Variants in ATP6V0A4 observed in about 807,000 individuals in gnomAD.
ATP6V0A4 encodes the protein V-type proton ATPase 116 kDa subunit a 4.
ATP6V0A4 carries 86 observed loss-of-function variants against 107.3 expected under a neutral mutation model. The ratio of observed to expected loss-of-function variants is 0.80; its 90% CI spans 0.67 to 0.96. ATP6V0A4 has a LOEUF of 0.96. ATP6V0A4 is among the 40% of genes least tolerant of loss of function. ATP6V0A4 has a pLI of 0.00. For missense variants in ATP6V0A4, 908 were observed against 1,045.6 expected (o/e 0.87, Z 1.81); for synonymous variants, 353 against 381.4 (o/e 0.93, Z 0.87).
Position 138,769,400 on chromosome 7 carries a change from C to T in ATP6V0A4, c.118-149G>A, listed in dbSNP as rs377119879. 1.4e-5 allele frequency: 18 copies of T among 1,287,314 alleles called. No homozygotes were observed. The East Asian group carries it at 4.3e-4, about 31-fold the overall frequency. The allele number at this position is 1,287,314 out of a possible 1,614,324, so 79.7% of individuals were successfully genotyped here. A position where few individuals can be genotyped will look rare whatever the true frequency, so the allele number is the denominator to read the frequency against. ...CGCGATCTCAGCTCACTGTAACCTC[C>T]ACCTCCTGGGTTCAAGTGATTCTTC... On this transcript the variant is annotated intron_variant, in intron 3 of 21. Transcript: ENST00000310018.
At chr7:138,762,684 A>G (rs1806885291) in intron 6 of ATP6V0A4, among the ~76,000 whole-genome samples, 1 of 152,164 alleles carries the variant, frequency 6.6e-6, no homozygotes, top group Non-Finnish European at 1.5e-5. Flanking sequence ...AGCCATTTTC[A>G]GCACATACAT....
intron 5 of ATP6V0A4, among the ~76,000 whole-genome samples, chr7:138,765,490 G>A (rs772105543): frequency 6.6e-6 from 1 of 152,188 alleles, no homozygotes; most frequent in Non-Finnish European, 1.5e-5. Flanking sequence ...GTTTCTGAGG[G>A]GATGGTGGTT....
rs1057434778 is a variant in ATP6V0A4 at position 138,739,279 on chromosome 7, T to C, written c.1572+261A>G. ...AACCAAGTGCCTTTTAAAGAAGCAGTTATTAACCACCAGGGATATGATTGA... is the reference window on the plus strand; with the variant it reads ...AACCAAGTGCCTTTTAAAGAAGCAGCTATTAACCACCAGGGATATGATTGA... On this transcript the variant is annotated intron_variant, in intron 15 of 21. Transcript: ENST00000310018. Among the ~76,000 whole-genome samples the C allele has an allele frequency of 9.9e-5, 15 of 151,898 alleles. No homozygotes were observed. The South Asian group carries it at 3.1e-3, about 31-fold the overall frequency.
rs773840097 is a variant in ATP6V0A4 at position 138,739,540 on chromosome 7, C to T, written c.1572G>A (p.Pro524=). 1.4e-5 allele frequency: 22 copies of T among 1,613,970 alleles called. No homozygotes were observed. The highest frequency in any genetic ancestry group is 2.7e-5 in the African/African-American group (2 of 74,926). ...ATTTAACCCAAGAAGACATTATTAC[C>T]GGATCAATCCCAAACGGGTATGGAT... ...FGNPYPFGID[P]IWNLASNKLT... Residue 524 remains proline, a splice_region_variant and synonymous_variant, in exon 15 of 22, where the codon CCG becomes CCA. Coordinates refer to ENST00000310018, the MANE Select transcript of ATP6V0A4 (RefSeq NM_020632.3).
At chr7:138,707,286 A>C in intron 21 of ATP6V0A4, among the ~76,000 whole-genome samples, 1 of 87,676 alleles carries the variant, frequency 1.1e-5, no homozygotes, top group Middle Eastern at 4.5e-3. Flanking sequence ...CTATATAATA[A>C]TTATATTATA....
At chr7:138,715,157 T>G (rs553132118) in intron 20 of ATP6V0A4, among the ~76,000 whole-genome samples, 1 of 152,356 alleles carries the variant, frequency 6.6e-6, no homozygotes, top group East Asian at 1.9e-4. Context: ...TTTAGGACTC[T>G]GGCTTCAAAA....
At chr7:138,765,563 C>T (rs570041167) in intron 5 of ATP6V0A4, among the ~76,000 whole-genome samples, 200 of 152,226 alleles carry the variant, frequency 1.3e-3, no homozygotes, top group Middle Eastern at 6.8e-3. Context: ...TTTAGAAACT[C>T]GACAAGGCAG....
chr7:138,749,161 C>T lies in ATP6V0A4; in HGVS notation c.1180+6G>A. 6.2e-7 allele frequency: 1 copy of T among 1,614,006 alleles called. No homozygotes were observed. Among genetic ancestry groups the T allele is most frequent in the Non-Finnish European group, 8.5e-7 (1 of 1,180,002 alleles). On this transcript the variant is annotated splice_donor_region_variant and intron_variant, in intron 12 of 21. Coordinates refer to ENST00000310018, the MANE Select transcript of ATP6V0A4 (RefSeq NM_020632.3). ...TACCCAGTCGTGCAGTTCATCAGAT[C>T]TTTACCTGGGTTTATCTCCCGGTAG...
chr7:138,792,224 C>T (rs1032706064), intron 1 of ATP6V0A4, among the ~76,000 whole-genome samples: 6 of 152,150 alleles, frequency 3.9e-5, no homozygotes, highest in Non-Finnish European at 8.8e-5. Context: ...AGGAGAATGG[C>T]GTGAACCCAG....
chr7:138,708,236 G>A (rs1183953098), intron 21 of ATP6V0A4, among the ~76,000 whole-genome samples: 1 of 151,888 alleles, frequency 6.6e-6, no homozygotes, highest in African/African-American at 2.4e-5. Flanking sequence ...TTTCAGTAGA[G>A]ACGGGGTTTC....
chr7:138,710,646 G>A (rs114074592), intron 20 of ATP6V0A4, among the ~76,000 whole-genome samples: 1,614 of 152,216 alleles, frequency 0.011, 27 homozygotes, highest in African/African-American at 0.034. Flanking sequence ...TTCAAAAAAC[G>A]TTTAGCTAAT....
intron 14 of ATP6V0A4, among the ~76,000 whole-genome samples, chr7:138,742,193 G>A (rs777767084): frequency 2.6e-5 from 4 of 152,100 alleles, no homozygotes; most frequent in Admixed American, 6.6e-5. Flanking sequence ...TTGGGAGGCC[G>A]AGGCAGGTGG....
intron 1 of ATP6V0A4, among the ~76,000 whole-genome samples, chr7:138,788,622 A>G (rs757287700): frequency 2.2e-4 from 34 of 152,310 alleles, no homozygotes; most frequent in Non-Finnish European, 3.7e-4. Context: ...GGAAAGTCAT[A>G]TGGTTTGGCT....
At chr7:138,797,967 A>G (rs1397425375) in intron 1 of ATP6V0A4, 67 bp downstream of exon 1, 2 of 1,542,032 alleles carry the variant, frequency 1.3e-6, no homozygotes, top group Non-Finnish European at 1.7e-6. Flanking sequence ...GTTTCCCCCA[A>G]ACACCCAGCA....
intron 21 of ATP6V0A4, among the ~76,000 whole-genome samples, chr7:138,708,352 A>G (rs1803560356): frequency 1.3e-5 from 2 of 152,138 alleles, no homozygotes; most frequent in Middle Eastern, 3.4e-3. Context: ...AGCCTCATTT[A>G]TGTTTTATTA....
At chr7:138,768,988 T>C (rs1451609450) in intron 4 of ATP6V0A4, 114 bp from the exon 5 acceptor site, 24 of 1,574,356 alleles carry the variant, frequency 1.5e-5, no homozygotes, top group Non-Finnish European at 2.1e-5. Context: ...TGAATTGTCC[T>C]AGGAGCTGCC....
chr7:138,753,343 G>A (rs1806329671), intron 10 of ATP6V0A4, among the ~76,000 whole-genome samples: 1 of 152,174 alleles, frequency 6.6e-6, no homozygotes, highest in Non-Finnish European at 1.5e-5. Context: ...CCAGAGCTGG[G>A]GAGAGGCAAG....
At chr7:138,715,238 G>A (rs1240637307) in intron 20 of ATP6V0A4, among the ~76,000 whole-genome samples, 3 of 152,230 alleles carry the variant, frequency 2.0e-5, no homozygotes, top group African/African-American at 7.2e-5. Context: ...GTCTCACTCT[G>A]TAGCCCAGGG....
At chr7:138,797,638 G>A (rs1584960757) in intron 1 of ATP6V0A4, among the ~76,000 whole-genome samples, 1 of 152,160 alleles carries the variant, frequency 6.6e-6, no homozygotes, top group East Asian at 1.9e-4. Flanking sequence ...AATGATGCGT[G>A]TTTGTAATTA....
Sources: gnomAD v4.1 joint callset for allele counts (sites outside exome capture counted in the v4.1 genomes callset) on GRCh38, gnomAD v4.1.1 for gene constraint, MANE v1.5 for transcripts, NCBI Gene and HGNC (gene_info 2026-07-23, HGNC 2026-07-21) for gene names.